The following COG4 variants were observed in gnomAD, a reference collection of about 807,000 sequenced individuals.
The protein encoded by COG4 is conserved oligomeric Golgi complex subunit 4.
In COG4, 65 loss-of-function variants were observed where a neutral mutation model predicts 95.1. The observed-to-expected ratio is 0.68, with a 90% confidence interval of 0.56 to 0.84. The LOEUF is 0.84. Ranked by LOEUF, COG4 falls within the 40% of genes least tolerant of loss-of-function variation. The probability of loss-of-function intolerance (pLI) is 0.00; values close to 1 mark genes in which losing one functional copy is unlikely to be tolerated. For missense variants in COG4, 1,045 were observed against 989.1 expected (o/e 1.06, Z -0.76); for synonymous variants, 421 against 374.8 (o/e 1.12, Z -1.42).
In COG4 at chr16:70,512,257, C is replaced by T. The variant is rs533888584; in HGVS notation, c.720G>A (p.Ser240=). 49 of 1,614,062 alleles carry T rather than the reference C, an allele frequency of 3.0e-5. No homozygotes were observed. Among genetic ancestry groups the T allele is most frequent in the Non-Finnish European group, 3.9e-5 (46 of 1,180,052 alleles). ...GLHEEGLRKF[S]EYLCKQVASK... The stretch of plus-strand genomic sequence containing the variant: ...TCCATACCTGCTTGCAAAGGTACTC[C>T]GAGAACTTTCTTAATCCCTCCTCAT... Residue 240 remains serine (S), a synonymous_variant, in exon 5 of 19, where the codon TCG becomes TCA. Transcript: ENST00000323786.
intron 10 of COG4, 79 bp downstream of exon 10, chr16:70,497,858 G>C: frequency 1.2e-6 from 1 of 853,408 alleles, no homozygotes; most frequent in Non-Finnish European, 2.1e-6. Context: ...CAATAAATAT[G>C]ACATGCCTCA....
Position 70,508,408 on chromosome 16 carries a change from T to C in COG4, c.1059A>G (p.Pro353=). Residue 353 remains proline, a splice_region_variant and synonymous_variant, in exon 8 of 19, where the codon CCA becomes CCG. Coordinates refer to ENST00000323786, the MANE Select transcript of COG4 (RefSeq NM_015386.3). ...GAAGAAGAGAGAAGGATTATTACCT[T>C]GGTTCGATTTTTTCTGTTGTAGAAT... ...MRNSTTEKIE[P]RELDPILTEV... 1 of 1,613,710 alleles carries C rather than the reference T, an allele frequency of 6.2e-7. No individual in the cohort carries two copies. The highest frequency in any genetic ancestry group is 8.5e-7 in the Non-Finnish European group (1 of 1,179,598).
intron 12 of COG4, among the ~76,000 whole-genome samples, chr16:70,494,932 A>G (rs2049309205): frequency 6.6e-6 from 1 of 152,152 alleles, no homozygotes; most frequent in Non-Finnish European, 1.5e-5. Context: ...AATATTTTCT[A>G]TGACAGGAAG....
intron 5 of COG4, 152 bp downstream of exon 5, chr16:70,512,087 T>C (rs538170756): frequency 1.6e-5 from 12 of 754,746 alleles, no homozygotes; most frequent in African/African-American, 1.6e-4. Flanking sequence ...AATGAACACA[T>C]GCATCCAGTC....
rs1486092320 is a variant in COG4, at chr16:70,480,994, G to A, written c.*16C>T. ...GGCCTGCAAGTGTGATGAGCCAGGT[G>A]TGCTCATCCAGGCAGCTACAGGCGC... is the stretch of plus-strand genomic sequence containing the variant. On this transcript the variant is annotated 3_prime_UTR_variant, in exon 19 of 19. Coordinates refer to ENST00000323786, the MANE Select transcript of COG4 (RefSeq NM_015386.3). 6.2e-7 allele frequency: 1 copy of A among 1,611,256 alleles called. No homozygotes were observed. The highest frequency in any genetic ancestry group is 1.3e-5 in the African/African-American group (1 of 74,888).
intron 1 of COG4, among the ~76,000 whole-genome samples, chr16:70,522,147 G>C (rs2049960064): frequency 6.6e-6 from 1 of 151,826 alleles, no homozygotes; most frequent in Non-Finnish European, 1.5e-5. Context: ...ACAGGCATGC[G>C]TCACCACACC....
At position 70,480,985 on chromosome 16, in the gene COG4, G is replaced by A; in HGVS notation, c.*25C>T. The A allele has an allele frequency of 6.2e-7, 1 of 1,610,868 alleles. No homozygotes were observed. The highest frequency in any genetic ancestry group is 1.1e-5 in the South Asian group (1 of 90,948). On this transcript the variant is annotated 3_prime_UTR_variant, in exon 19 of 19. Transcript: ENST00000323786. ...TAGGGAACAGGCCTGCAAGTGTGAT[G>A]AGCCAGGTGTGCTCATCCAGGCAGC...
intron 13 of COG4, among the ~76,000 whole-genome samples, chr16:70,485,461 C>T (rs539942301): frequency 6.6e-6 from 1 of 151,848 alleles, no homozygotes; most frequent in South Asian, 2.1e-4. Flanking sequence ...GCCTCAGCCT[C>T]CCAAAGTGCT....
Position 70,519,720 on chromosome 16 carries a change from C to A in COG4, c.183G>T (p.Glu61Asp). The stretch of plus-strand genomic sequence containing the variant: ...GTTCCAAAAGAGCATCCAGCTCTCT[C>A]TCCACCACTTTCTGAAACACAGAGA... ...ERLCGEEKVV[E>D]RELDALLEQQ... Residue 61 changes from glutamate (E) to aspartate (D), a missense_variant, in exon 2 of 19, where the codon GAG becomes GAT. Physicochemically the swap from Glu to Asp is conservative, Grantham distance 45 (BLOSUM62 2). Coordinates refer to ENST00000323786, the MANE Select transcript of COG4 (RefSeq NM_015386.3). The A allele has an allele frequency of 6.2e-7, 1 of 1,612,890 alleles. No individual in the cohort carries two copies. The highest frequency in any genetic ancestry group is 8.5e-7 in the Non-Finnish European group (1 of 1,179,024).
chr16:70,497,430 A>G (rs938208175), intron 10 of COG4, 43 bp from the exon 11 acceptor site: 30 of 1,594,418 alleles, frequency 1.9e-5, no homozygotes, highest in African/African-American at 2.7e-5. Context: ...CCAGTTGTGC[A>G]TGTCATGTTC....
intron 13 of COG4, among the ~76,000 whole-genome samples, chr16:70,487,354 C>A (rs1013556408): frequency 1.3e-5 from 2 of 151,748 alleles, no homozygotes; most frequent in African/African-American, 4.8e-5. Context: ...CCCAGCACTT[C>A]GGGATGCCAA....
chr16:70,516,030 G>T (rs976525071), intron 3 of COG4: 10 of 455,800 alleles, frequency 2.2e-5, no homozygotes, highest in Non-Finnish European at 3.5e-5. Flanking sequence ...TTCCAAATTT[G>T]TTGAGTGTTT....
intron 15 of COG4, 197 bp from the exon 16 acceptor site, chr16:70,482,372 G>A (rs1269235345): frequency 6.1e-6 from 4 of 654,408 alleles, no homozygotes; most frequent in African/African-American, 3.6e-5. Flanking sequence ...CTGTAGCAGT[G>A]GCCCACATAA....
rs2048985609 is a variant in COG4, at chr16:70,481,276, A to G, written c.2235+83T>C. The G allele has an allele frequency of 7.5e-6, 12 of 1,608,688 alleles. No homozygotes were observed. The South Asian group carries it at 7.7e-5, about 10-fold the overall frequency. ...CCTATAGAGCTGGCTGCTGGCAGAC[A>G]TGGTTTAGAGGGAAGTGGCGGGGAT... On this transcript the variant is annotated intron_variant, in intron 18 of 18. Transcript: ENST00000323786.
Position 70,481,827 on chromosome 16 carries a change from G to T in COG4, c.2043C>A (p.Gly681=). Residue 681 remains glycine, a synonymous_variant, in exon 17 of 19, where the codon GGC becomes GGA. Transcript: ENST00000323786. ...LSPVIYDSLT[G]LMTSLVAVEL... is the part of the protein sequence containing the mutation. ...CGACGGCAACAAGGCTAGTCATGAG[G>T]CCGGTTAGGCTGTCGTAGATGACCG... 6.2e-7 allele frequency: 1 copy of T among 1,614,076 alleles called. No homozygotes were observed. Among genetic ancestry groups the T allele is most frequent in the Non-Finnish European group, 8.5e-7 (1 of 1,180,026 alleles).
In COG4 at chr16:70,509,051, A is replaced by G. The variant is rs959619125; in HGVS notation, c.1002+180T>C. The stretch of plus-strand genomic sequence containing the variant: ...TTGAACTGAGGCCATCATCATCTCG[A>G]CAACACCTCAAGTCCAAAGTAAGCT... On this transcript the variant is annotated intron_variant, in intron 7 of 18. Transcript: ENST00000323786. The G allele has an allele frequency of 1.1e-5, 8 of 746,578 alleles. No homozygotes were observed. In the African/African-American group the frequency reaches 1.4e-4, roughly 13 times the overall value. The allele number at this position is 746,578 out of a possible 1,614,324, so 46.2% of individuals were successfully genotyped here. A position where few individuals can be genotyped will look rare whatever the true frequency, so the allele number is the denominator to read the frequency against.
chr16:70,520,299 C>T (rs896352773), intron 1 of COG4, among the ~76,000 whole-genome samples: 2 of 144,186 alleles, frequency 1.4e-5, no homozygotes, highest in East Asian at 2.0e-4. Flanking sequence ...AAAAATTAGC[C>T]GGGTGTGGTG....
At chr16:70,496,793 A>C (rs1328650872) in intron 11 of COG4, among the ~76,000 whole-genome samples, 1 of 152,182 alleles carries the variant, frequency 6.6e-6, no homozygotes, top group African/African-American at 2.4e-5. Context: ...CTGACTCCTA[A>C]GTGGTGGATC....
At chr16:70,510,662 C>A (rs2049682055) in intron 5 of COG4, among the ~76,000 whole-genome samples, 1 of 151,968 alleles carries the variant, frequency 6.6e-6, no homozygotes, top group East Asian at 1.9e-4. Flanking sequence ...CACGACAAAA[C>A]CTGGGTACTG....
Sources: gnomAD v4.1 joint callset for allele counts (sites outside exome capture counted in the v4.1 genomes callset) on GRCh38, gnomAD v4.1.1 for gene constraint, MANE v1.5 for transcripts, NCBI Gene and HGNC (gene_info 2026-07-23, HGNC 2026-07-21) for gene names.